Variants in USP7 observed in about 807,000 individuals in gnomAD.
USP7 encodes the protein ubiquitin specific peptidase 7, also known as ubiquitin C-terminal hydrolase 7.
In USP7, 9 loss-of-function variants were observed where a neutral mutation model predicts 162.9. The observed-to-expected ratio is 0.06, with a 90% CI of 0.03 to 0.10. USP7 has a LOEUF of 0.10. Ranked by LOEUF, USP7 falls within the 10% of genes least tolerant of loss-of-function variation. The pLI is 1.00. For synonymous variants in USP7, 562 were observed against 475.9 expected (o/e 1.18, Z -2.35); for missense variants, 715 against 1,373.7 (o/e 0.52, Z 7.58).
In USP7 at chr16:8,944,524, G is replaced by T. The variant is rs1053701255; in HGVS notation, c.80-14127C>A. On this transcript the variant is annotated intron_variant, in intron 1 of 30. Transcript: ENST00000344836. ...AAAGGAGATTTTTATACATACTCTTGGTTGTGCTAATGTAAGTCCTTTAAA... is the reference window on the plus strand; with the variant it reads ...AAAGGAGATTTTTATACATACTCTTTGTTGTGCTAATGTAAGTCCTTTAAA... Among the ~76,000 whole-genome samples, 4 of 152,174 alleles carry T rather than the reference G, an allele frequency of 2.6e-5. No homozygotes were observed. In the South Asian group the frequency reaches 8.3e-4, roughly 31 times the overall value.
chr16:8,963,368 G>A lies in USP7; in HGVS notation c.-83C>T. The A allele has an allele frequency of 3.5e-6, 1 of 283,392 alleles. No individual in the cohort carries two copies. The highest frequency in any genetic ancestry group is 5.2e-6 in the Non-Finnish European group (1 of 192,380). The allele number at this position is 283,392 out of a possible 1,614,324, so 17.6% of individuals were successfully genotyped here. A position where few individuals can be genotyped will look rare whatever the true frequency, so the allele number is the denominator to read the frequency against. On this transcript the variant is annotated 5_prime_UTR_variant, in exon 1 of 31. Coordinates refer to ENST00000344836, the MANE Select transcript of USP7 (RefSeq NM_003470.3). ...GCGGGCGGCGGCGAGCCGGGGCGGC[G>A]GCGGCGGCGGCGGCGGCGGGGCGGC... is the stretch of plus-strand genomic sequence containing the variant.
intron 3 of USP7, among the ~76,000 whole-genome samples, chr16:8,922,980 G>C (rs577716891): frequency 6.6e-6 from 1 of 152,164 alleles, no homozygotes; most frequent in Admixed American, 6.5e-5. Flanking sequence ...AATCCAGGCC[G>C]GCCCTGATTC....
At chr16:8,933,118 T>C (rs1898467725) in intron 1 of USP7, among the ~76,000 whole-genome samples, 1 of 152,144 alleles carries the variant, frequency 6.6e-6, no homozygotes, top group African/African-American at 2.4e-5. Flanking sequence ...TTTTGTATTT[T>C]TAGTAGAGAC....
chr16:8,941,558 T>C (rs557175602), intron 1 of USP7, among the ~76,000 whole-genome samples: 5 of 152,372 alleles, frequency 3.3e-5, no homozygotes, highest in African/African-American at 1.2e-4. Flanking sequence ...TTCGGCTTTT[T>C]TGTCCACGCA....
chr16:8,897,241 A>C (rs150214934), intron 25 of USP7, 142 bp from the exon 26 acceptor site: 8 of 647,724 alleles, frequency 1.2e-5, no homozygotes, highest in African/African-American at 1.1e-4. Flanking sequence ...TCCCACCCCA[A>C]CTCCCTCATC....
Position 8,899,107 on chromosome 16 carries a change from C to T in USP7, c.2531+14G>A. 2 of 1,614,050 alleles carry T rather than the reference C, an allele frequency of 1.2e-6. No individual in the cohort carries two copies. Among genetic ancestry groups the T allele is most frequent in the Non-Finnish European group, 8.5e-7 (1 of 1,179,948 alleles). On this transcript the variant is annotated intron_variant, in intron 23 of 30. Transcript: ENST00000344836. ...GCAGTCAAGACCAAGCAAGTGTCCA[C>T]ACATGTGACCTACCCTTGAGACTTG...
chr16:8,935,938 C>A (rs376232889), intron 1 of USP7: 79 of 152,164 alleles, frequency 5.2e-4, no homozygotes, highest in African/African-American at 1.8e-3. Context: ...CACTTCAGCA[C>A]GCGAATCTAA....
At chr16:8,957,750 C>A (rs1451793791) in intron 1 of USP7, among the ~76,000 whole-genome samples, 1 of 148,938 alleles carries the variant, frequency 6.7e-6, no homozygotes, top group Admixed American at 6.7e-5. Flanking sequence ...GAGCAAGACC[C>A]TGTCTCTTAA....
intron 1 of USP7, among the ~76,000 whole-genome samples, chr16:8,945,479 G>A (rs1899235737): frequency 6.6e-6 from 1 of 152,122 alleles, no homozygotes; most frequent in Admixed American, 6.6e-5. Context: ...GGGGGCTTTG[G>A]GAACAGTTCA....
chr16:8,927,383 T>G (rs1027347230), intron 2 of USP7, among the ~76,000 whole-genome samples: 6 of 151,288 alleles, frequency 4.0e-5, no homozygotes, highest in Non-Finnish European at 8.9e-5. Context: ...ATCAGAAAGG[T>G]TGGTATGAAA....
chr16:8,901,615 A>T (rs1290842888), intron 18 of USP7, among the ~76,000 whole-genome samples: 3 of 152,230 alleles, frequency 2.0e-5, no homozygotes, highest in Admixed American at 6.5e-5. Flanking sequence ...CAGCAATAAA[A>T]GTCTGTCATT....
intron 1 of USP7, chr16:8,935,823 C>G (rs1242462175): frequency 6.6e-6 from 1 of 152,154 alleles, no homozygotes; most frequent in Non-Finnish European, 1.5e-5. Context: ...GCACTTAATG[C>G]CTATACCCAG....
intron 25 of USP7, among the ~76,000 whole-genome samples, chr16:8,897,698 CAAAAAAAAAAA>C (rs55635828): frequency 1.1e-4 from 4 of 35,604 alleles, no homozygotes; most frequent in Non-Finnish European, 1.4e-4. Flanking sequence ...CCTGTCTCTA[CAAAAAAAAAAA>C]AAAAAAAAAA....
At chr16:8,941,152 C>T (rs557064911) in intron 1 of USP7, among the ~76,000 whole-genome samples, 30 of 152,312 alleles carry the variant, frequency 2.0e-4, no homozygotes, top group Middle Eastern at 6.8e-3. Context: ...GAGGACCCCC[C>T]GCCCCACCAC....
chr16:8,912,459 AAAAG>A (rs1426330718), intron 10 of USP7, among the ~76,000 whole-genome samples: 2 of 151,794 alleles, frequency 1.3e-5, no homozygotes, highest in Non-Finnish European at 2.9e-5. Context: ...CAAAAAAAAA[AAAAG>A]AAAGAAAAAA....
At chr16:8,955,747 GAGT>G (rs1408007640) in intron 1 of USP7, among the ~76,000 whole-genome samples, 1 of 138,556 alleles carries the variant, frequency 7.2e-6, no homozygotes, top group African/African-American at 2.6e-5. Context: ...GGTCAATTAA[GAGT>G]CATGAAATAT....
At chr16:8,940,076 T>TG (rs1898964961) in intron 1 of USP7, among the ~76,000 whole-genome samples, 1 of 151,962 alleles carries the variant, frequency 6.6e-6, no homozygotes, top group African/African-American at 2.4e-5. Flanking sequence ...CCAGCATGGG[T>TG]GACACAGCAA....
At chr16:8,931,841 T>TA (rs1394969001) in intron 1 of USP7, among the ~76,000 whole-genome samples, 1 of 152,210 alleles carries the variant, frequency 6.6e-6, no homozygotes, top group Non-Finnish European at 1.5e-5. Flanking sequence ...CATATTAGAA[T>TA]AGCTCACTGC....
chr16:8,899,937 T>C (rs1226693561), intron 21 of USP7, 180 bp from the exon 22 acceptor site: 2 of 703,740 alleles, frequency 2.8e-6, no homozygotes, highest in East Asian at 5.4e-5. Context: ...GAGGCAAGTA[T>C]GCATGGGGAT....
Sources: gnomAD v4.1 joint callset for allele counts (sites outside exome capture counted in the v4.1 genomes callset) on GRCh38, gnomAD v4.1.1 for gene constraint, MANE v1.5 for transcripts, NCBI Gene and HGNC (gene_info 2026-07-23, HGNC 2026-07-21) for gene names.